BAIAP2: variants seen among roughly 807,000 people sequenced by gnomAD.
The protein encoded by BAIAP2 is BAR/IMD domain containing adaptor protein 2.
A neutral mutation model predicts 63.0 loss-of-function variants in BAIAP2; 18 were observed. That is an observed-to-expected ratio of 0.29 (90% CI 0.20 to 0.42). The LOEUF is 0.42. Among genes scored for constraint, BAIAP2 ranks in the 10% least tolerant of loss-of-function variants. The pLI is 1.00. For synonymous variants in BAIAP2, 386 were observed against 307.6 expected (o/e 1.25, Z -2.67); for missense variants, 610 against 734.3 (o/e 0.83, Z 1.96).
intron 6 of BAIAP2, among the ~76,000 whole-genome samples, chr17:81,092,968 C>A (rs1021857276): frequency 6.6e-6 from 1 of 151,888 alleles, no homozygotes; most frequent in African/African-American, 2.4e-5. Context: ...GAGAGCAGAG[C>A]CCAGCCTGTG....
At chr17:81,085,509 A>G in intron 4 of BAIAP2, 145 bp from the exon 5 acceptor site, 1 of 720,664 alleles carries the variant, frequency 1.4e-6, no homozygotes, top group East Asian at 2.7e-5. Flanking sequence ...GCGGGGCCAC[A>G]GCTCATCAGT....
chr17:81,095,346 T>A (rs2057445931), intron 6 of BAIAP2, among the ~76,000 whole-genome samples: 1 of 152,120 alleles, frequency 6.6e-6, no homozygotes, highest in Non-Finnish European at 1.5e-5. Flanking sequence ...GTCATCCCCG[T>A]CCAACAGCAG....
intron 3 of BAIAP2, among the ~76,000 whole-genome samples, chr17:81,062,844 T>A (rs2050806517): frequency 1.3e-5 from 2 of 152,182 alleles, no homozygotes; most frequent in African/African-American, 4.8e-5. Flanking sequence ...CCTCACACCG[T>A]CGTCTTCCAG....
At chr17:81,092,517 G>T (rs1438584053) in intron 6 of BAIAP2, among the ~76,000 whole-genome samples, 1 of 152,246 alleles carries the variant, frequency 6.6e-6, no homozygotes, top group East Asian at 1.9e-4. Flanking sequence ...CTTGAGCGGG[G>T]CTGGGCCCGG....
At chr17:81,070,201 C>T (rs2052340786) in intron 3 of BAIAP2, among the ~76,000 whole-genome samples, 1 of 152,188 alleles carries the variant, frequency 6.6e-6, no homozygotes, top group African/African-American at 2.4e-5. Context: ...TCAAGTGATC[C>T]TCCTATCTCG....
chr17:81,057,967 G>A lies in BAIAP2; in HGVS notation c.217G>A (p.Gly73Arg), dbSNP rs1331156207. 2.9e-6 allele frequency: 4 copies of A among 1,392,286 alleles called. No homozygotes were observed. The highest frequency in any genetic ancestry group is 2.6e-5 in the South Asian group (2 of 77,504). 86.2% of individuals were successfully genotyped at this position (1,392,286 alleles called of 1,614,324 possible). Reference sequence around the variant, plus strand: ...CGAGAGCCAGGGCTCCAAAGAACTCGGTGAGACCCCCCCCCCCCCCCCGCC... The same window carrying A: ...CGAGAGCCAGGGCTCCAAAGAACTCAGTGAGACCCCCCCCCCCCCCCCGCC... Reference protein sequence around the residue: ...ASESQGSKELGDVLFQMAEVH... With the variant: ...ASESQGSKELRDVLFQMAEVH... The change falls in exon 3 of 14, where the codon GGA becomes AGA. Residue 73 changes from glycine to arginine, a missense_variant and splice_region_variant. Around this residue, in one of 5 missense-constraint regions of BAIAP2, gnomAD observed 389 missense variants for 455.6 expected, o/e 0.85. Transcript: ENST00000428708.
In BAIAP2 at chr17:81,106,123, T is replaced by C. The variant is rs1598813559; in HGVS notation, c.1314T>C (p.Asp438=). The C allele has an allele frequency of 6.3e-7, 1 of 1,584,698 alleles. No homozygotes were observed. Among genetic ancestry groups the C allele is most frequent in the Non-Finnish European group, 8.6e-7 (1 of 1,165,186 alleles). Residue 438 remains aspartate, a synonymous_variant, in exon 11 of 14, where the codon GAT becomes GAC. Transcript: ENST00000428708. The stretch of plus-strand genomic sequence containing the variant: ...CCTACACCCGGGTCTTGGACAGCGA[T>C]GGCAGTGACAGGCTGCACATGAGGT... The part of the protein sequence containing the change: ...PFSYTRVLDS[D]GSDRLHMSLQ...
intron 2 of BAIAP2, 120 bp downstream of exon 2, chr17:81,053,863 G>GAA: frequency 2.2e-5 from 13 of 580,396 alleles, no homozygotes; most frequent in African/African-American, 2.2e-5. Flanking sequence ...CGGGCCCCGT[G>GAA]GGGTGGGAGC....
chr17:81,045,327 G>A (rs972516460), intron 1 of BAIAP2, among the ~76,000 whole-genome samples: 9 of 152,090 alleles, frequency 5.9e-5, no homozygotes, highest in Non-Finnish European at 7.4e-5. Context: ...GGGCCCAGGG[G>A]AATGGCCGTG....
chr17:81,077,621 T>A (rs1568124915), intron 3 of BAIAP2, among the ~76,000 whole-genome samples: 1 of 151,922 alleles, frequency 6.6e-6, no homozygotes, highest in Non-Finnish European at 1.5e-5. Flanking sequence ...TTCTCAATTT[T>A]AAAAAAAGAG....
At chr17:81,048,933 G>C (rs1344572878) in intron 1 of BAIAP2, among the ~76,000 whole-genome samples, 1 of 152,210 alleles carries the variant, frequency 6.6e-6, no homozygotes, top group Non-Finnish European at 1.5e-5. Flanking sequence ...GCCTTCCATG[G>C]CGTGTGTGGG....
rs943691615 is a variant in BAIAP2 at position 81,103,718 on chromosome 17, G to A, written c.859G>A (p.Val287Met). 6.3e-6 allele frequency: 10 copies of A among 1,592,762 alleles called. No homozygotes were observed. The highest frequency in any genetic ancestry group is 1.3e-5 in the African/African-American group (1 of 74,340). The change falls in exon 8 of 14, where the codon GTG (valine) becomes ATG (methionine). Residue 287 changes from valine to methionine, a missense_variant. Val to Met is a conservative substitution (Grantham distance 21). Around this residue, in one of 5 missense-constraint regions of BAIAP2, gnomAD observed 389 missense variants for 455.6 expected, o/e 0.85. Coordinates refer to ENST00000428708, the MANE Select transcript of BAIAP2 (RefSeq NM_001144888.2). ...LPVPPELAPF[V>M]GRMSAQESTP... is the part of the protein sequence containing the mutation. ...GGTGCCCCCCGAGCTGGCACCGTTC[G>A]TGGGGGTGAGTCTGTGGCCTCTGGA...
At chr17:81,081,366 C>T (rs2054576655) in intron 3 of BAIAP2, among the ~76,000 whole-genome samples, 1 of 152,226 alleles carries the variant, frequency 6.6e-6, no homozygotes, top group African/African-American at 2.4e-5. Context: ...CGGCCTGAAG[C>T]TTCCTGCGTC....
chr17:81,057,576 C>CTACCA (rs2049804386), intron 2 of BAIAP2: 1 of 1,060,634 alleles, frequency 9.4e-7, no homozygotes, highest in African/African-American at 1.6e-5. Flanking sequence ...TCCCTCCCCC[C>CTACCA]GGCCCTGCCT....
At chr17:81,062,307 AT>A (rs34176221) in intron 3 of BAIAP2, among the ~76,000 whole-genome samples, 73,808 of 148,088 alleles carry the variant, frequency 0.5, 18,208 homozygotes, top group East Asian at 0.68. Flanking sequence ...CAATGGACTG[AT>A]TTTTTTTTTT....
At chr17:81,074,551 G>A (rs1297911241) in intron 3 of BAIAP2, among the ~76,000 whole-genome samples, 1 of 150,970 alleles carries the variant, frequency 6.6e-6, no homozygotes, top group Non-Finnish European at 1.5e-5. Context: ...GCACAGATGT[G>A]TGAGTGCCTG....
Position 81,057,971 on chromosome 17 carries a change from A to AGGGGGGGGGGGGGGGGGGGGGG in BAIAP2, c.217+5_217+6insGGGGGGGGGGGGGGGGGGGGGG. On this transcript the variant is annotated splice_donor_region_variant and intron_variant, in intron 3 of 13. Transcript: ENST00000428708. ...AGCCAGGGCTCCAAAGAACTCGGTGAGACCCCCCCCCCCCCCCCGCCTGGT... is the reference window on the plus strand; with the variant it reads ...AGCCAGGGCTCCAAAGAACTCGGTGAGGGGGGGGGGGGGGGGGGGGGGGACCCCCCCCCCCCCCCCGCCTGGT... The AGGGGGGGGGGGGGGGGGGGGGG allele has an allele frequency of 1.1e-5, 7 of 664,784 alleles. No individual in the cohort carries two copies. Among genetic ancestry groups the AGGGGGGGGGGGGGGGGGGGGGG allele is most frequent in the Admixed American group, 3.7e-5 (1 of 27,098 alleles). The allele number at this position is 664,784 out of a possible 1,614,324, so 41.2% of individuals were successfully genotyped here.
intron 6 of BAIAP2, among the ~76,000 whole-genome samples, chr17:81,091,751 C>T: frequency 6.6e-6 from 1 of 152,240 alleles, no homozygotes; most frequent in East Asian, 1.9e-4. Flanking sequence ...AGCCAGTGTC[C>T]AGCCAGGGGC....
chr17:81,074,802 A>G (rs891727948), intron 3 of BAIAP2, among the ~76,000 whole-genome samples: 1 of 152,208 alleles, frequency 6.6e-6, no homozygotes, highest in Non-Finnish European at 1.5e-5. Context: ...GCATGTACGG[A>G]TGCGTGTGAG....
Sources: gnomAD v4.1 joint callset for allele counts (sites outside exome capture counted in the v4.1 genomes callset) on GRCh38, gnomAD v4.1.1 for gene constraint, gnomAD v4.1.1 regional missense constraint, MANE v1.5 for transcripts, NCBI Gene and HGNC (gene_info 2026-07-23, HGNC 2026-07-21) for gene names.